Variants in SLC24A2 observed in about 807,000 individuals in gnomAD.
SLC24A2 encodes solute carrier family 24 member 2, also known as sodium/potassium/calcium exchanger 2.
In SLC24A2, 36 loss-of-function variants were observed where a neutral mutation model predicts 62.0. The ratio of observed to expected loss-of-function variants is 0.58; its 90% CI spans 0.44 to 0.77. The LOEUF (loss-of-function observed/expected upper bound fraction) is 0.77. SLC24A2 is among the 30% of genes least tolerant of loss of function. The pLI, the probability that SLC24A2 is intolerant of heterozygous loss-of-function variation, is 0.00. For synonymous variants in SLC24A2, 358 were observed against 294.0 expected, an observed-to-expected ratio of 1.22 and a Z score of -2.23; for missense variants, 846 against 817.9, an observed-to-expected ratio of 1.03 and a Z score of -0.42.
the SLC24A2 span, among the ~76,000 whole-genome samples, chr9:20,180,115 G>C: frequency 6.6e-6 from 1 of 152,152 alleles, no homozygotes; most frequent in African/African-American, 2.4e-5. Flanking sequence ...ACAAGTGTAG[G>C]TTGTGGAGTT....
chr9:20,028,961 C>A, the SLC24A2 span, among the ~76,000 whole-genome samples: 1 of 152,188 alleles, frequency 6.6e-6, no homozygotes, highest in Non-Finnish European at 1.5e-5. Context: ...TCTGTTTCCT[C>A]TAACTAATCA....
At chr9:19,895,236 T>G in the SLC24A2 span, among the ~76,000 whole-genome samples, 3 of 152,058 alleles carry the variant, frequency 2.0e-5, no homozygotes, top group Middle Eastern at 3.4e-3. Flanking sequence ...TTTGTTTTTT[T>G]TTTTTTTCTT....
chr9:19,730,232 T>C (rs971399921), intron 2 of SLC24A2, among the ~76,000 whole-genome samples: 2 of 152,122 alleles, frequency 1.3e-5, no homozygotes, highest in African/African-American at 4.8e-5. Context: ...TGGAAAATAT[T>C]TGAATGTGAA....
chr9:19,536,942 CTGA>C (rs1184342964), intron 8 of SLC24A2, among the ~76,000 whole-genome samples: 6 of 125,244 alleles, frequency 4.8e-5, no homozygotes, highest in African/African-American at 1.6e-4. Flanking sequence ...TTGCATTTCT[CTGA>C]TGGCCAGTGA....
the SLC24A2 span, among the ~76,000 whole-genome samples, chr9:20,267,585 T>C: frequency 6.6e-6 from 1 of 152,160 alleles, no homozygotes; most frequent in Non-Finnish European, 1.5e-5. Flanking sequence ...AGGGGAGGCA[T>C]TGGATGCCTC....
intron 2 of SLC24A2, among the ~76,000 whole-genome samples, chr9:19,711,896 T>C (rs938116341): frequency 3.9e-5 from 6 of 152,134 alleles, no homozygotes; most frequent in African/African-American, 1.4e-4. Flanking sequence ...TAAACGCAAG[T>C]TGCCAACCCA....
chr9:19,761,312 C>T (rs965584038), intron 2 of SLC24A2, among the ~76,000 whole-genome samples: 24 of 152,250 alleles, frequency 1.6e-4, no homozygotes, highest in African/African-American at 5.5e-4. Context: ...AACATCCTCT[C>T]TAGCATCTGT....
chr9:19,885,799 C>T, the SLC24A2 span, among the ~76,000 whole-genome samples: 65 of 152,160 alleles, frequency 4.3e-4, no homozygotes, highest in Non-Finnish European at 7.4e-4. Flanking sequence ...CCTGTATCTA[C>T]CCACGTGTTC....
chr9:19,932,568 G>T, the SLC24A2 span, among the ~76,000 whole-genome samples: 4 of 152,114 alleles, frequency 2.6e-5, no homozygotes, highest in Non-Finnish European at 4.4e-5. Context: ...CCATTTTATT[G>T]TATGGGTGAC....
the SLC24A2 span, among the ~76,000 whole-genome samples, chr9:20,053,362 T>A: frequency 6.6e-6 from 1 of 152,188 alleles, no homozygotes; most frequent in Non-Finnish European, 1.5e-5. Context: ...AAACAAGCTT[T>A]GAGGAGAGGG....
the SLC24A2 span, among the ~76,000 whole-genome samples, chr9:20,137,067 G>A: frequency 6.6e-6 from 1 of 152,246 alleles, no homozygotes; most frequent in Middle Eastern, 3.4e-3. Flanking sequence ...GTTTGGATGT[G>A]AGGCACATAG....
chr9:20,117,130 G>A, the SLC24A2 span, among the ~76,000 whole-genome samples: 1 of 152,146 alleles, frequency 6.6e-6, no homozygotes, highest in East Asian at 1.9e-4. Flanking sequence ...ATCATGCCCA[G>A]CCAAAGATAA....
the SLC24A2 span, among the ~76,000 whole-genome samples, chr9:20,301,971 G>A: frequency 9.2e-5 from 14 of 152,100 alleles, no homozygotes; most frequent in South Asian, 4.2e-4. Context: ...TGCCTTTTCC[G>A]GAATGTCATA....
the SLC24A2 span, among the ~76,000 whole-genome samples, chr9:20,102,161 T>C: frequency 6.6e-6 from 1 of 152,176 alleles, no homozygotes; most frequent in African/African-American, 2.4e-5. Context: ...AGCCTAAACC[T>C]ACCTTCTGTA....
the SLC24A2 span, among the ~76,000 whole-genome samples, chr9:20,012,223 G>C: frequency 1.3e-5 from 2 of 152,198 alleles, no homozygotes; most frequent in Non-Finnish European, 2.9e-5. Flanking sequence ...AGGTTTACTG[G>C]ATTTACAGTT....
chr9:19,765,098 C>G (rs1822469240), intron 2 of SLC24A2, among the ~76,000 whole-genome samples: 1 of 152,016 alleles, frequency 6.6e-6, no homozygotes, highest in Non-Finnish European at 1.5e-5. Context: ...TCTGTTTTAT[C>G]AGAGACTAGG....
intron 4 of SLC24A2, among the ~76,000 whole-genome samples, chr9:19,600,759 T>C (rs556365979): frequency 6.0e-4 from 92 of 152,298 alleles, no homozygotes; most frequent in African/African-American, 2.2e-3. Flanking sequence ...TTCACCTTAT[T>C]TTACATGCTC....
chr9:19,858,799 G>A, the SLC24A2 span, among the ~76,000 whole-genome samples: 53 of 152,238 alleles, frequency 3.5e-4, 1 homozygote, highest in South Asian at 0.011. Context: ...ACCACAATGA[G>A]AGACCATCTC....
At chr9:19,638,559 T>A (rs1818415624) in intron 2 of SLC24A2, among the ~76,000 whole-genome samples, 1 of 152,212 alleles carries the variant, frequency 6.6e-6, no homozygotes, top group African/African-American at 2.4e-5. Flanking sequence ...GTGACATTTT[T>A]ATTTCTAATA....
Sources: allele counts gnomAD v4.1 joint callset (sites outside exome capture counted in the v4.1 genomes callset), GRCh38; gene constraint gnomAD v4.1.1; transcripts MANE v1.5; gene names NCBI Gene and HGNC (gene_info 2026-07-23, HGNC 2026-07-21).